MTCL2: variants seen among roughly 807,000 people sequenced by gnomAD.
The protein encoded by MTCL2 is microtubule crosslinking factor 2.
chr20:36,803,830 A>G, the MTCL2 span, among the ~76,000 whole-genome samples: 1 of 151,854 alleles, frequency 6.6e-6, no homozygotes, highest in Non-Finnish European at 1.5e-5. Context: ...GTGGTGTGCC[A>G]TCTATAATTC....
At chr20:36,820,479 A>G in the MTCL2 span, among the ~76,000 whole-genome samples, 1 of 152,202 alleles carries the variant, frequency 6.6e-6, no homozygotes, top group Non-Finnish European at 1.5e-5. Context: ...AAATATGTCC[A>G]CCAACTTTAG....
the MTCL2 span, among the ~76,000 whole-genome samples, chr20:36,856,641 C>T: frequency 6.6e-6 from 1 of 152,216 alleles, no homozygotes; most frequent in Admixed American, 6.5e-5. Context: ...CCCCCATCCA[C>T]CCACCACCCA....
the MTCL2 span, among the ~76,000 whole-genome samples, chr20:36,792,861 C>T: frequency 6.9e-3 from 577 of 84,134 alleles, 3 homozygotes; most frequent in African/African-American, 0.023. Flanking sequence ...GATAGATAGA[C>T]AGACAGACAG....
the MTCL2 span, chr20:36,794,389 C>G: frequency 5.1e-3 from 8,261 of 1,613,366 alleles, 417 homozygotes; most frequent in African/African-American, 0.098. The surrounding 1 kb of genome is among the most constrained non-coding windows in gnomAD (Gnocchi z 5.4). Context: ...CTGGGGGGTC[C>G]TGGCAGGCCA....
chr20:36,807,202 G>A, the MTCL2 span, among the ~76,000 whole-genome samples: 4 of 152,194 alleles, frequency 2.6e-5, no homozygotes, highest in Non-Finnish European at 5.9e-5. Context: ...GGAGCTGGTG[G>A]CCTGCGAGAA....
At chr20:36,862,028 T>C in the MTCL2 span, among the ~76,000 whole-genome samples, 3 of 152,118 alleles carry the variant, frequency 2.0e-5, no homozygotes, top group African/African-American at 7.2e-5. Flanking sequence ...TGTCCTGGGA[T>C]TTAGGAAGCT....
At chr20:36,836,341 A>AT in the MTCL2 span, among the ~76,000 whole-genome samples, 1,174 of 85,464 alleles carry the variant, frequency 0.014, 67 homozygotes, top group African/African-American at 0.028. Flanking sequence ...CGCCCAGCTA[A>AT]TTTTTTTTTT....
chr20:36,840,738 C>T, the MTCL2 span, among the ~76,000 whole-genome samples: 25 of 151,566 alleles, frequency 1.6e-4, no homozygotes, highest in African/African-American at 5.6e-4. Context: ...CCCAGCTACT[C>T]GGGAGGCTGA....
the MTCL2 span, chr20:36,806,079 G>T: frequency 1.5e-6 from 1 of 684,868 alleles, no homozygotes; most frequent in Non-Finnish European, 2.4e-6. Flanking sequence ...AGCCTCCCAC[G>T]ACATCTATTC....
At chr20:36,820,855 A>G in the MTCL2 span, among the ~76,000 whole-genome samples, 57 of 152,058 alleles carry the variant, frequency 3.7e-4, no homozygotes, top group African/African-American at 1.4e-3. Flanking sequence ...AAAAAAAAAG[A>G]GTTTAAAAAT....
chr20:36,827,778 T>C, the MTCL2 span, among the ~76,000 whole-genome samples: 1 of 152,142 alleles, frequency 6.6e-6, no homozygotes, highest in Non-Finnish European at 1.5e-5. Context: ...AGCCTCAGTT[T>C]CATTACTTGT....
chr20:36,862,907 G>A, the MTCL2 span: 3 of 1,270,948 alleles, frequency 2.4e-6, no homozygotes, highest in African/African-American at 1.6e-5. Context: ...CCCCGGCCGC[G>A]GACTCGGCGT....
the MTCL2 span, among the ~76,000 whole-genome samples, chr20:36,813,313 TAAAAAAAAAAAAAAA>T: frequency 4.8e-5 from 2 of 41,900 alleles, no homozygotes; most frequent in Non-Finnish European, 3.7e-5. Context: ...ACTGTTTCTT[TAAAAAAAAAAAAAAA>T]AAAAAAAAAA....
the MTCL2 span, chr20:36,862,859 G>A: frequency 2.4e-6 from 3 of 1,232,140 alleles, no homozygotes; most frequent in Non-Finnish European, 3.0e-6. Context: ...CGGAGGGCGC[G>A]GGCTGGGCCG....
chr20:36,829,595 G>A, the MTCL2 span, among the ~76,000 whole-genome samples: 2 of 141,636 alleles, frequency 1.4e-5, no homozygotes, highest in African/African-American at 5.3e-5. Flanking sequence ...ATGTCTCACT[G>A]CAGGCTTGAA....
the MTCL2 span, among the ~76,000 whole-genome samples, chr20:36,846,495 C>T: frequency 6.6e-6 from 1 of 152,202 alleles, no homozygotes; most frequent in Non-Finnish European, 1.5e-5. Context: ...GCAGTGCTTC[C>T]CTTTCTAGAG....
At chr20:36,851,478 G>C in the MTCL2 span, among the ~76,000 whole-genome samples, 1 of 152,114 alleles carries the variant, frequency 6.6e-6, no homozygotes, top group Non-Finnish European at 1.5e-5. Context: ...CAGCCACTTG[G>C]GTCGTAGGCA....
chr20:36,826,155 C>T, the MTCL2 span, among the ~76,000 whole-genome samples: 5 of 151,902 alleles, frequency 3.3e-5, no homozygotes, highest in East Asian at 1.9e-4. Context: ...TACAGGTGCC[C>T]GCCATCACTC....
the MTCL2 span, among the ~76,000 whole-genome samples, chr20:36,858,825 C>T: frequency 6.6e-6 from 1 of 152,092 alleles, no homozygotes; most frequent in Non-Finnish European, 1.5e-5. Context: ...GAGTTTCACT[C>T]TGTTGCCCAG....
Sources: allele counts gnomAD v4.1 joint callset (sites outside exome capture counted in the v4.1 genomes callset), GRCh38; gene constraint gnomAD v4.1.1; non-coding constraint Gnocchi (gnomAD v3.1); transcripts MANE v1.5; gene names NCBI Gene and HGNC (gene_info 2026-07-23, HGNC 2026-07-21).